UNC13C: variants seen among roughly 807,000 people sequenced by gnomAD.
UNC13C encodes protein unc-13 homolog C.
UNC13C carries 174 observed loss-of-function variants against 245.4 expected under a neutral mutation model. That is an observed-to-expected ratio of 0.71 (90% CI 0.63 to 0.80). UNC13C has a LOEUF of 0.80. Among genes scored for constraint, UNC13C ranks in the 30% least tolerant of loss-of-function variants. UNC13C has a pLI of 0.00. For missense variants in UNC13C, 2,829 were observed against 2,602.9 expected (o/e 1.09, Z -1.89); for synonymous variants, 992 against 895.1 (o/e 1.11, Z -1.93).
chr15:54,046,617 C>CT (rs1205358073), intron 2 of UNC13C, among the ~76,000 whole-genome samples: 1 of 151,450 alleles, frequency 6.6e-6, no homozygotes, highest in Admixed American at 6.6e-5. Context: ...GGCTATTAGC[C>CT]TTTTTTGTTG....
intron 26 of UNC13C, among the ~76,000 whole-genome samples, chr15:54,536,642 T>C (rs1895994621): frequency 6.6e-6 from 1 of 152,120 alleles, no homozygotes; most frequent in Admixed American, 6.6e-5. Flanking sequence ...GATTATCATG[T>C]AGGATTTATT....
chr15:54,480,392 G>T (rs1016863844), intron 19 of UNC13C, among the ~76,000 whole-genome samples: 1 of 149,304 alleles, frequency 6.7e-6, no homozygotes, highest in African/African-American at 2.4e-5. Flanking sequence ...GTGTTACATA[G>T]GCTTCGTTCA....
intron 7 of UNC13C, among the ~76,000 whole-genome samples, chr15:54,245,265 A>C (rs2035961954): frequency 6.6e-6 from 1 of 152,088 alleles, no homozygotes; most frequent in Non-Finnish European, 1.5e-5. Context: ...AATCTATCAT[A>C]TTTTGTTTTC....
intron 2 of UNC13C, among the ~76,000 whole-genome samples, chr15:54,096,523 A>G (rs1899872156): frequency 6.6e-6 from 1 of 152,006 alleles, no homozygotes; most frequent in Non-Finnish European, 1.5e-5. Flanking sequence ...TCCAACTCTC[A>G]CGCTTTCTTC....
intron 19 of UNC13C, among the ~76,000 whole-genome samples, chr15:54,473,675 T>C (rs977659544): frequency 1.3e-5 from 2 of 151,954 alleles, no homozygotes; most frequent in African/African-American, 2.4e-5. Context: ...CCTTCCTTTT[T>C]ACAGCTCAAT....
At chr15:54,117,681 A>T (rs113232509) in intron 2 of UNC13C, among the ~76,000 whole-genome samples, 3,687 of 152,064 alleles carry the variant, frequency 0.024, 150 homozygotes, top group African/African-American at 0.079. Context: ...TCTGGGCACA[A>T]GTGAGTCTCC....
the UNC13C span, among the ~76,000 whole-genome samples, chr15:53,845,827 G>T: frequency 6.6e-6 from 1 of 152,108 alleles, no homozygotes; most frequent in Admixed American, 6.6e-5. Context: ...AGACCCAATT[G>T]ACACTTGCAG....
At chr15:54,159,266 A>C (rs192911670) in intron 4 of UNC13C, among the ~76,000 whole-genome samples, 22 of 152,350 alleles carry the variant, frequency 1.4e-4, no homozygotes, top group African/African-American at 4.6e-4. Flanking sequence ...CTAGCATTCA[A>C]ATTCTTCGTA....
chr15:54,279,675 G>C (rs1293946332), intron 10 of UNC13C, among the ~76,000 whole-genome samples: 2 of 152,120 alleles, frequency 1.3e-5, no homozygotes, highest in African/African-American at 4.8e-5. Flanking sequence ...GACTGATCCT[G>C]TTTTCTTGCC....
intron 13 of UNC13C, among the ~76,000 whole-genome samples, chr15:54,304,172 A>C (rs1418582472): frequency 6.6e-6 from 1 of 152,098 alleles, no homozygotes; most frequent in Non-Finnish European, 1.5e-5. Context: ...AAATAAATGG[A>C]AATGGCTGTG....
At chr15:54,349,545 A>C (rs941192098) in intron 17 of UNC13C, among the ~76,000 whole-genome samples, 2 of 152,216 alleles carry the variant, frequency 1.3e-5, no homozygotes, top group African/African-American at 2.4e-5. Flanking sequence ...AAGTCTAAGT[A>C]AAATATTAAA....
At position 54,014,725 on chromosome 15, in the gene UNC13C, G is replaced by A. The variant is rs1895560401; in HGVS notation, c.1822G>A (p.Gly608Arg). ...YDSPKDQHLN[G>R]GVQGIQGQTE... ...CAGTCCCAAGGACCAGCATTTGAAT[G>A]GAGGTGTTCAGGGTATCCAAGGGCA... Residue 608 changes from glycine (G) to arginine (R), a missense_variant, in exon 2 of 33, where the codon GGA becomes AGA. By Grantham distance (125) the Gly-to-Arg change is moderately radical. Transcript: ENST00000260323. The A allele has an allele frequency of 1.9e-6, 3 of 1,613,738 alleles. No individual in the cohort carries two copies. Among genetic ancestry groups the A allele is most frequent in the South Asian group, 2.2e-5 (2 of 91,088 alleles).
intron 19 of UNC13C, among the ~76,000 whole-genome samples, chr15:54,451,653 T>C (rs1891182550): frequency 6.6e-6 from 1 of 152,204 alleles, no homozygotes; most frequent in Non-Finnish European, 1.5e-5. Flanking sequence ...TTCTCATTTA[T>C]ATCCTGAATT....
chr15:54,387,778 T>C (rs562641386), intron 17 of UNC13C, among the ~76,000 whole-genome samples: 2 of 152,228 alleles, frequency 1.3e-5, no homozygotes, highest in Non-Finnish European at 2.9e-5. Flanking sequence ...TTCTCACATT[T>C]TAAAGCTTAC....
chr15:54,041,682 CT>C (rs1270994034), intron 2 of UNC13C, among the ~76,000 whole-genome samples: 3 of 152,152 alleles, frequency 2.0e-5, no homozygotes, highest in African/African-American at 7.2e-5. Flanking sequence ...CTTTTCCTCA[CT>C]TTGTTCATTT....
At chr15:54,072,675 A>T (rs1342559555) in intron 2 of UNC13C, among the ~76,000 whole-genome samples, 1 of 152,152 alleles carries the variant, frequency 6.6e-6, no homozygotes, top group Non-Finnish European at 1.5e-5. Context: ...TGGGAAAGGA[A>T]TTTGAATTAT....
intron 1 of UNC13C, among the ~76,000 whole-genome samples, chr15:53,992,615 C>T (rs1894442039): frequency 6.6e-6 from 1 of 152,074 alleles, no homozygotes; most frequent in African/African-American, 2.4e-5. Context: ...TCCTGTTTTT[C>T]CTAAGGCCTT....
chr15:54,050,671 C>A (rs1897237848), intron 2 of UNC13C: 3 of 510,982 alleles, frequency 5.9e-6, no homozygotes, highest in Admixed American at 4.5e-5. Flanking sequence ...CTCTTATACT[C>A]AAACTCTTTG....
chr15:54,038,097 T>TAC, intron 2 of UNC13C, among the ~76,000 whole-genome samples: 1 of 80,432 alleles, frequency 1.2e-5, no homozygotes, highest in Non-Finnish European at 2.3e-5. Context: ...TATATACATA[T>TAC]ACATATATAT....
Sources: allele counts gnomAD v4.1 joint callset (sites outside exome capture counted in the v4.1 genomes callset), GRCh38; gene constraint gnomAD v4.1.1; transcripts MANE v1.5; gene names NCBI Gene and HGNC (gene_info 2026-07-23, HGNC 2026-07-21).